RRAGB: variants seen among roughly 807,000 people sequenced by gnomAD.
RRAGB encodes the protein Ras related GTP binding B, also known as ras-related GTP-binding protein B.
RRAGB carries 6 observed loss-of-function variants against 29.3 expected under a neutral mutation model. The observed-to-expected ratio is 0.21, with a 90% CI of 0.11 to 0.40. The LOEUF is 0.40. Among genes scored for constraint, RRAGB ranks in the 10% least tolerant of loss-of-function variants. The probability of loss-of-function intolerance (pLI) is 1.00; values close to 1 mark genes in which losing one functional copy is unlikely to be tolerated. For missense variants in RRAGB, 184 were observed against 272.9 expected (o/e 0.67, Z 2.29); for synonymous variants, 101 against 92.5 (o/e 1.09, Z -0.53).
intron 5 of RRAGB, among the ~76,000 whole-genome samples, chrX:55,738,712 G>A (rs2033949738): frequency 8.9e-6 from 1 of 112,141 alleles, no homozygotes; most frequent in African/African-American, 3.2e-5. Flanking sequence ...GGTGGCGTTT[G>A]TAGGAGACAG....
intron 5 of RRAGB, among the ~76,000 whole-genome samples, chrX:55,740,867 G>A (rs1360515796): frequency 1.8e-5 from 2 of 111,160 alleles, no homozygotes; most frequent in Non-Finnish European, 3.8e-5. Flanking sequence ...TTTTGTGCAA[G>A]TTTGGCTTTG....
intron 5 of RRAGB, among the ~76,000 whole-genome samples, chrX:55,748,515 C>T (rs1191565078): frequency 1.8e-5 from 2 of 110,935 alleles, no homozygotes; most frequent in Non-Finnish European, 3.8e-5. Flanking sequence ...CGCCTCTGCC[C>T]CGCCACCCCG....
chrX:55,748,625 C>G (rs780817253), intron 5 of RRAGB, among the ~76,000 whole-genome samples: 1 of 108,887 alleles, frequency 9.2e-6, no homozygotes, highest in Non-Finnish European at 1.9e-5. Context: ...GGAGACCCTC[C>G]GCCTGGCAAC....
At chrX:55,736,379 C>T (rs1220436029) in intron 5 of RRAGB, among the ~76,000 whole-genome samples, 1 of 112,071 alleles carries the variant, frequency 8.9e-6, no homozygotes, top group Non-Finnish European at 1.9e-5. Context: ...TCTTCTTCTA[C>T]TTGGTCCAGT....
chrX:55,729,265 T>G (rs1278097031), intron 3 of RRAGB, 29 bp from the exon 4 acceptor site: 1 of 1,064,664 alleles, frequency 9.4e-7, no homozygotes, highest in Non-Finnish European at 1.3e-6. Flanking sequence ...CCTGTTATAA[T>G]TACTAGATTT....
rs183336566 is a variant in RRAGB at position 55,757,934 on chromosome X, T to C, written c.944-312T>C. Among the ~76,000 whole-genome samples the C allele has an allele frequency of 1.5e-4, 17 of 112,125 alleles. No homozygotes were observed. The Admixed American group carries it at 1.6e-3, about 11-fold the overall frequency. On this transcript the variant is annotated intron_variant, in intron 9 of 9. Coordinates refer to ENST00000374941, the MANE Select transcript of RRAGB (RefSeq NM_006064.5). ...TTCAGGATGGTCCCAGAAATTTAAA[T>C]TAATCTCTCATCCATTGGCTTTTGC...
intron 7 of RRAGB, 157 bp from the exon 8 acceptor site, chrX:55,755,684 A>G: frequency 2.0e-6 from 2 of 1,014,973 alleles, no homozygotes; most frequent in Non-Finnish European, 2.5e-6. Context: ...CAGAATGTTG[A>G]TAATATATAG....
At chrX:55,732,656 T>C (rs1314153304) in intron 5 of RRAGB, among the ~76,000 whole-genome samples, 1 of 111,751 alleles carries the variant, frequency 8.9e-6, no homozygotes, top group Non-Finnish European at 1.9e-5. Context: ...GAAAACTGCT[T>C]TTGATTATTT....
intron 5 of RRAGB, among the ~76,000 whole-genome samples, chrX:55,732,122 A>G (rs2147086774): frequency 8.9e-6 from 1 of 112,509 alleles, no homozygotes; most frequent in South Asian, 3.7e-4. Context: ...GATGTCACCA[A>G]GATAGTGGAG....
At chrX:55,731,667 C>T in intron 5 of RRAGB, 81 bp downstream of exon 5, 1 of 634,723 alleles carries the variant, frequency 1.6e-6, no homozygotes, top group Non-Finnish European at 2.3e-6. Flanking sequence ...TAAATTTGTA[C>T]CATTTTTTCA....
At chrX:55,737,393 CTG>C (rs1203159484) in intron 5 of RRAGB, among the ~76,000 whole-genome samples, 1 of 112,540 alleles carries the variant, frequency 8.9e-6, no homozygotes, top group Non-Finnish European at 1.9e-5. Context: ...TCCAGAAAGA[CTG>C]TCTATAGGCA....
At chrX:55,753,660 T>C (rs773720070) in intron 7 of RRAGB, 146 bp downstream of exon 7, 6 of 519,594 alleles carry the variant, frequency 1.2e-5, no homozygotes, top group Non-Finnish European at 1.8e-5. Flanking sequence ...AAAATAGTAT[T>C]GTCAGCAAGT....
intron 5 of RRAGB, among the ~76,000 whole-genome samples, chrX:55,740,252 G>A (rs1201415746): frequency 9.0e-6 from 1 of 110,887 alleles, no homozygotes; most frequent in African/African-American, 3.3e-5. Flanking sequence ...GAACCCAGGA[G>A]GCGGAGCTTG....
intron 3 of RRAGB, among the ~76,000 whole-genome samples, chrX:55,723,538 C>T (rs2033367262): frequency 1.8e-5 from 2 of 108,796 alleles, no homozygotes; most frequent in South Asian, 8.1e-4. Context: ...TTTGTCCTAG[C>T]GATCTCTTGC....
At chrX:55,733,254 A>G (rs1410454925) in intron 5 of RRAGB, among the ~76,000 whole-genome samples, 1 of 111,968 alleles carries the variant, frequency 8.9e-6, no homozygotes, top group Non-Finnish European at 1.9e-5. Context: ...TAAACAAGAG[A>G]TAGTTTGACT....
Position 55,757,364 on chromosome X carries a change from G to A in RRAGB, c.943+33G>A, listed in dbSNP as rs756432727. 4.8e-6 allele frequency: 4 copies of A among 839,743 alleles called. No homozygotes were observed. The East Asian group carries it at 1.3e-4, about 27-fold the overall frequency. The allele number at this position is 839,743 out of a possible 1,213,427, so 69.2% of individuals were successfully genotyped here. On this transcript the variant is annotated intron_variant, in intron 9 of 9. Coordinates refer to ENST00000374941, the MANE Select transcript of RRAGB (RefSeq NM_006064.5). ...TAAACTTAGCTGACCTAGGTTCAAA[G>A]CCACATACTCTTTAAACAATTGTCC...
At chrX:55,722,326 C>T (rs749494820) in intron 3 of RRAGB, 41 bp downstream of exon 3, 5 of 918,524 alleles carry the variant, frequency 5.4e-6, no homozygotes, top group Non-Finnish European at 7.8e-6. Context: ...GTGATCTTAA[C>T]TATTAATAAT....
chrX:55,749,299 G>A (rs1363321900), intron 5 of RRAGB, among the ~76,000 whole-genome samples: 12 of 80,612 alleles, frequency 1.5e-4, no homozygotes, highest in Admixed American at 2.7e-4. Context: ...CAGCCGCCCC[G>A]TCCGGGAGGG....
chrX:55,718,513 G>A, intron 1 of RRAGB, 94 bp downstream of exon 1: 2 of 527,003 alleles, frequency 3.8e-6, no homozygotes, highest in Non-Finnish European at 6.0e-6. Context: ...CCCGCACCAT[G>A]ATAAATTGCT....
Sources: gnomAD v4.1 joint callset for allele counts (sites outside exome capture counted in the v4.1 genomes callset) on GRCh38, gnomAD v4.1.1 for gene constraint, MANE v1.5 for transcripts, NCBI Gene and HGNC (gene_info 2026-07-23, HGNC 2026-07-21) for gene names.